ZNF618: variants seen among roughly 807,000 people sequenced by gnomAD.
ZNF618 encodes neural precursor cell expressed, developmentally down-regulated 10.
In ZNF618, 34 loss-of-function variants were observed where a neutral mutation model predicts 103.0. The ratio of observed to expected loss-of-function variants is 0.33; its 90% CI spans 0.25 to 0.44. ZNF618 has a LOEUF of 0.44. ZNF618 is among the 20% of genes least tolerant of loss of function. The pLI, the probability that ZNF618 is intolerant of heterozygous loss-of-function variation, is 1.00. For synonymous variants in ZNF618, 551 were observed against 542.2 expected (o/e 1.02, Z -0.23); for missense variants, 1,059 against 1,295.4 (o/e 0.82, Z 2.80).
At chr9:113,906,774 G>A (rs1055099433) in intron 1 of ZNF618, among the ~76,000 whole-genome samples, 5 of 152,208 alleles carry the variant, frequency 3.3e-5, no homozygotes, top group Non-Finnish European at 1.5e-5. Flanking sequence ...TAGGTTTTAA[G>A]TGACAGAAAC....
chr9:113,881,363 G>T (rs534949969), intron 1 of ZNF618, among the ~76,000 whole-genome samples: 47 of 152,112 alleles, frequency 3.1e-4, no homozygotes, highest in African/African-American at 1.0e-3. Context: ...TCAAGCCCCC[G>T]TTGCGAGCCA....
chr9:113,908,336 A>G lies in ZNF618; in HGVS notation c.33+31923A>G, dbSNP rs529265780. 1.8e-4 allele frequency among the ~76,000 whole-genome samples: 28 copies of G among 152,314 alleles called. No individual in the cohort carries two copies. In the South Asian group the frequency reaches 5.6e-3, roughly 31 times the overall value. Reference sequence around the variant, plus strand: ...GCTCAGGATGTTAAATACATAGATAAAAGCAGTTTAAAAAAATGGAGGAGG... The same window carrying G: ...GCTCAGGATGTTAAATACATAGATAGAAGCAGTTTAAAAAAATGGAGGAGG... On this transcript the variant is annotated intron_variant, in intron 1 of 14. Coordinates refer to ENST00000374126, the MANE Select transcript of ZNF618 (RefSeq NM_001318042.2).
At chr9:113,882,630 C>CT (rs1303123541) in intron 1 of ZNF618, among the ~76,000 whole-genome samples, 2 of 152,320 alleles carry the variant, frequency 1.3e-5, no homozygotes, top group South Asian at 4.1e-4. Context: ...ATCCATGAGA[C>CT]TTTCTTGTTA....
rs200967613 is a variant in ZNF618 at position 113,975,241 on chromosome 9, G to C, written c.77+6081G>C. ...TTTGATCTTCCCAGCAGCCCTTTCA[G>C]ATAGTGATTGGCATCCCTCATGTTC... On this transcript the variant is annotated intron_variant, in intron 2 of 14. Transcript: ENST00000374126. Among the ~76,000 whole-genome samples, 3 of 152,160 alleles carry C rather than the reference G, an allele frequency of 2.0e-5. No homozygotes were observed. The East Asian group carries it at 5.8e-4, about 29-fold the overall frequency.
rs997419408 is a variant in ZNF618 at position 113,898,438 on chromosome 9, G to T, written c.33+22025G>T. On this transcript the variant is annotated intron_variant, in intron 1 of 14. Transcript: ENST00000374126. ...CAGTAGCTGCTTCCTCAGATTTTTC[G>T]TTTTTTTTTTTTTTTTTTAAGAGAT... Among the ~76,000 whole-genome samples the T allele has an allele frequency of 7.4e-3, 913 of 124,028 alleles. 5 individuals are homozygous for T. The highest frequency in any genetic ancestry group is 9.7e-3 in the Non-Finnish European group (574 of 59,198). 81.4% of individuals were successfully genotyped at this position (124,028 alleles called of 152,430 possible). A position where few individuals can be genotyped will look rare whatever the true frequency, so the allele number is the denominator to read the frequency against.
intron 2 of ZNF618, among the ~76,000 whole-genome samples, chr9:113,978,189 A>T (rs1252272995): frequency 6.6e-6 from 1 of 152,208 alleles, no homozygotes; most frequent in African/African-American, 2.4e-5. Flanking sequence ...ACAGGTGATG[A>T]TGTGAGGATT....
Position 114,008,338 on chromosome 9 carries a change from G to A in ZNF618, c.641-6G>A, listed in dbSNP as rs763892442. Reference sequence around the variant, plus strand: ...TCTGCGGCTGCCGCCTCCTGCCCGGGCGCAGTGTTTAGTGTGGAAGGGGCC... The same window carrying A: ...TCTGCGGCTGCCGCCTCCTGCCCGGACGCAGTGTTTAGTGTGGAAGGGGCC... On this transcript the variant is annotated splice_polypyrimidine_tract_variant and splice_region_variant and intron_variant, in intron 7 of 14. Coordinates refer to ENST00000374126, the MANE Select transcript of ZNF618 (RefSeq NM_001318042.2). The A allele has an allele frequency of 6.2e-7, 1 of 1,613,660 alleles. No homozygotes were observed. Among genetic ancestry groups the A allele is most frequent in the Admixed American group, 1.7e-5 (1 of 60,026 alleles).
Position 114,050,457 on chromosome 9 carries a change from CA to C in ZNF618, c.*291del. The C allele has an allele frequency of 6.5e-6, 2 of 308,624 alleles. No homozygotes were observed. Among genetic ancestry groups the C allele is most frequent in the Non-Finnish European group, 5.9e-6 (1 of 168,308 alleles). 19.1% of individuals were successfully genotyped at this position (308,624 alleles called of 1,614,324 possible). ...TTGCACACACGCACACACACACACA[CA>C]CACACACACACACACACGACCCTGG... On this transcript the variant is annotated 3_prime_UTR_variant, in exon 15 of 15. Coordinates refer to ENST00000374126, the MANE Select transcript of ZNF618 (RefSeq NM_001318042.2).
At chr9:114,010,269 C>G (rs2133842087) in intron 9 of ZNF618, among the ~76,000 whole-genome samples, 1 of 146,752 alleles carries the variant, frequency 6.8e-6, no homozygotes, top group South Asian at 2.2e-4. Flanking sequence ...CCACTGCACT[C>G]CAGCCTGGGT....
intron 9 of ZNF618, among the ~76,000 whole-genome samples, chr9:114,013,710 C>T (rs1398820030): frequency 1.3e-5 from 2 of 152,210 alleles, no homozygotes; most frequent in Non-Finnish European, 2.9e-5. Flanking sequence ...GGATTACAGG[C>T]GTGAGCCACC....
At chr9:113,926,092 G>A (rs1393616856) in intron 1 of ZNF618, among the ~76,000 whole-genome samples, 1 of 148,542 alleles carries the variant, frequency 6.7e-6, no homozygotes, top group Non-Finnish European at 1.5e-5. Flanking sequence ...TTTGTTTTTT[G>A]TTATTTCTCC....
intron 1 of ZNF618, among the ~76,000 whole-genome samples, chr9:113,885,865 G>A (rs1349103681): frequency 6.6e-6 from 1 of 152,208 alleles, no homozygotes; most frequent in Non-Finnish European, 1.5e-5. Context: ...CGACAAAAAA[G>A]TGATATAAAT....
intron 1 of ZNF618, among the ~76,000 whole-genome samples, chr9:113,942,918 T>A (rs904047801): frequency 1.3e-5 from 2 of 152,188 alleles, no homozygotes; most frequent in Non-Finnish European, 2.9e-5. Context: ...AAACTCCATA[T>A]AATTTTCAAC....
In ZNF618 at chr9:114,050,568, GT is replaced by G. The variant is rs1846072447; in HGVS notation, c.*404del. 1.2e-5 allele frequency: 2 copies of G among 160,804 alleles called. No individual in the cohort carries two copies. The allele number at this position is 160,804 out of a possible 1,614,324, so 10.0% of individuals were successfully genotyped here. A position where few individuals can be genotyped will look rare whatever the true frequency, so the allele number is the denominator to read the frequency against. ...CTGAGCGATTGGGAAAGAGGGAGATGTTTCACCTCCTTTTCTCAGTAAGGGG... is the reference window on the plus strand; with the variant it reads ...CTGAGCGATTGGGAAAGAGGGAGATGTTCACCTCCTTTTCTCAGTAAGGGG... On this transcript the variant is annotated 3_prime_UTR_variant, in exon 15 of 15. Coordinates refer to ENST00000374126, the MANE Select transcript of ZNF618 (RefSeq NM_001318042.2).
In ZNF618 at chr9:113,943,760, GA is replaced by G. The variant is rs569220575; in HGVS notation, c.34-25356del. On this transcript the variant is annotated intron_variant, in intron 1 of 14. Coordinates refer to ENST00000374126, the MANE Select transcript of ZNF618 (RefSeq NM_001318042.2). Reference sequence around the variant, plus strand: ...TTAGGGACTAGAGAGAAGCAGAGGGGATGAGGGGGACTGAGGTTCCCTGCCC... The same window carrying G: ...TTAGGGACTAGAGAGAAGCAGAGGGGTGAGGGGGACTGAGGTTCCCTGCCC... Among the ~76,000 whole-genome samples, 565 of 152,286 alleles carry G rather than the reference GA, an allele frequency of 3.7e-3. 5 individuals carry two copies. Among genetic ancestry groups the G allele is most frequent in the African/African-American group, 0.013 (542 of 41,562 alleles).
intron 12 of ZNF618, among the ~76,000 whole-genome samples, chr9:114,035,592 T>A (rs1488313887): frequency 1.3e-5 from 2 of 151,846 alleles, no homozygotes; most frequent in Non-Finnish European, 2.9e-5. Flanking sequence ...CCCCTCTTTC[T>A]TTTTCCTCTT....
At position 114,038,904 on chromosome 9, in the gene ZNF618, G is replaced by A. The variant is rs186217248; in HGVS notation, c.1246+2527G>A. Among the ~76,000 whole-genome samples the A allele has an allele frequency of 1.2e-4, 19 of 152,294 alleles. No homozygotes were observed. The South Asian group carries it at 3.5e-3, about 28-fold the overall frequency. On this transcript the variant is annotated intron_variant, in intron 13 of 14. Transcript: ENST00000374126. ...TATCCAATAGCATTTGAGCTTTTAC[G>A]TGGCGCCAGGCCTTGTTCTAAGACT...
At chr9:113,918,360 T>C (rs1484364945) in intron 1 of ZNF618, among the ~76,000 whole-genome samples, 1 of 152,196 alleles carries the variant, frequency 6.6e-6, no homozygotes, top group African/African-American at 2.4e-5. Context: ...CATTAATAAG[T>C]GTTTTGTGTG....
intron 1 of ZNF618, among the ~76,000 whole-genome samples, chr9:113,906,817 G>A (rs1045700288): frequency 8.5e-5 from 13 of 152,222 alleles, no homozygotes; most frequent in South Asian, 6.2e-4. Context: ...AAAAGGGGAC[G>A]TGTATTGGCA....
Sources: allele counts gnomAD v4.1 joint callset (sites outside exome capture counted in the v4.1 genomes callset), GRCh38; gene constraint gnomAD v4.1.1; transcripts MANE v1.5; gene names NCBI Gene and HGNC (gene_info 2026-07-23, HGNC 2026-07-21).